The following SUSD6 variants were observed in gnomAD, a reference collection of about 807,000 sequenced individuals.
SUSD6 encodes sushi domain-containing protein 6.
SUSD6 carries 16 observed loss-of-function variants against 28.4 expected under a neutral mutation model. The ratio of observed to expected loss-of-function variants is 0.56; its 90% CI spans 0.38 to 0.86. The LOEUF (loss-of-function observed/expected upper bound fraction) is 0.86. Among genes scored for constraint, SUSD6 ranks in the 40% least tolerant of loss-of-function variants. The pLI, the probability that SUSD6 is intolerant of heterozygous loss-of-function variation, is 0.00. For missense variants in SUSD6, 341 were observed against 384.2 expected, an observed-to-expected ratio of 0.89 and a Z score of 0.94; for synonymous variants, 147 against 159.6, an observed-to-expected ratio of 0.92 and a Z score of 0.59.
intron 1 of SUSD6, among the ~76,000 whole-genome samples, chr14:69,637,130 T>A (rs990899370): frequency 6.6e-6 from 1 of 152,128 alleles, no homozygotes; most frequent in Non-Finnish European, 1.5e-5. Context: ...AGCTTTTTGA[T>A]GTGTTTCTTC....
chr14:69,654,354 T>C (rs1342630645), intron 1 of SUSD6, among the ~76,000 whole-genome samples: 1 of 152,232 alleles, frequency 6.6e-6, no homozygotes, highest in Admixed American at 6.5e-5. Context: ...CAAGGAAGTC[T>C]CAGCCTGGTG....
chr14:69,616,770 C>T (rs1884965687), intron 1 of SUSD6, among the ~76,000 whole-genome samples: 1 of 151,960 alleles, frequency 6.6e-6, no homozygotes, highest in African/African-American at 2.4e-5. Context: ...GATGGTAGTA[C>T]CTGTACATTC....
Position 69,662,692 on chromosome 14 carries a change from G to A in SUSD6, c.121+3979G>A, listed in dbSNP as rs537901742. On this transcript the variant is annotated intron_variant, in intron 2 of 5. Transcript: ENST00000342745. ...CCAATTTGCCTTTCTTGGACTAGGC[G>A]GAATTAAGATCTTTTCTCTGTAGCA... 1.8e-4 allele frequency among the ~76,000 whole-genome samples: 28 copies of A among 152,298 alleles called. No homozygotes were observed. The East Asian group carries it at 2.7e-3, about 15-fold the overall frequency.
At chr14:69,697,336 A>T (rs1886240871) in intron 2 of SUSD6, among the ~76,000 whole-genome samples, 1 of 152,058 alleles carries the variant, frequency 6.6e-6, no homozygotes, top group Non-Finnish European at 1.5e-5. Flanking sequence ...TCATCCTATG[A>T]TTTAGAATGC....
Position 69,662,780 on chromosome 14 carries a change from C to T in SUSD6, c.121+4067C>T, listed in dbSNP as rs568104038. ...AGTCTTAAGAAACTTGCTGTATGAC[C>T]TGAGGCAAATCACATGACCTCTTTG... On this transcript the variant is annotated intron_variant, in intron 2 of 5. Coordinates refer to ENST00000342745, the MANE Select transcript of SUSD6 (RefSeq NM_014734.4). Among the ~76,000 whole-genome samples the T allele has an allele frequency of 1.1e-4, 17 of 152,286 alleles. No individual in the cohort carries two copies. In the South Asian group the frequency reaches 3.5e-3, roughly 32 times the overall value.
At chr14:69,615,790 C>A (rs1455786390) in intron 1 of SUSD6, 1 of 152,242 alleles carries the variant, frequency 6.6e-6, no homozygotes, top group African/African-American at 2.4e-5. Flanking sequence ...GTCTCCCTCC[C>A]TGGCTCTTCT....
Position 69,711,103 on chromosome 14 carries a change from C to T in SUSD6, c.*124C>T. The stretch of plus-strand genomic sequence containing the variant: ...GATACCTGAGCTGCCACCTGTGTAT[C>T]TGTGTATCTCTGAGGGCCCTATAGG... On this transcript the variant is annotated 3_prime_UTR_variant, in exon 6 of 6. Coordinates refer to ENST00000342745, the MANE Select transcript of SUSD6 (RefSeq NM_014734.4). 8 of 944,872 alleles carry T rather than the reference C, an allele frequency of 8.5e-6. No homozygotes were observed. The highest frequency in any genetic ancestry group is 1.4e-5 in the Non-Finnish European group (8 of 587,978). 58.5% of individuals were successfully genotyped at this position (944,872 alleles called of 1,614,324 possible).
intron 1 of SUSD6, among the ~76,000 whole-genome samples, chr14:69,653,990 C>A (rs1324657697): frequency 1.3e-5 from 2 of 152,190 alleles, no homozygotes; most frequent in East Asian, 3.9e-4. Context: ...TATAAACACC[C>A]CACTGACTAC....
intron 5 of SUSD6, among the ~76,000 whole-genome samples, chr14:69,710,124 G>A (rs1226276562): frequency 6.6e-6 from 1 of 152,208 alleles, no homozygotes; most frequent in African/African-American, 2.4e-5. Context: ...CTGGAAGCCA[G>A]TAACCCCACA....
intron 2 of SUSD6, among the ~76,000 whole-genome samples, chr14:69,690,492 A>G (rs1252250580): frequency 6.6e-6 from 1 of 152,168 alleles, no homozygotes; most frequent in African/African-American, 2.4e-5. Flanking sequence ...GGATTCAAAG[A>G]GAAAGCTTGT....
intron 2 of SUSD6, among the ~76,000 whole-genome samples, chr14:69,697,903 A>G (rs1886249202): frequency 6.6e-6 from 1 of 152,216 alleles, no homozygotes; most frequent in Non-Finnish European, 1.5e-5. Context: ...TCTAGGTTGT[A>G]GGCTTGTAGT....
At chr14:69,641,840 A>G (rs548220742) in intron 1 of SUSD6, among the ~76,000 whole-genome samples, 2 of 152,210 alleles carry the variant, frequency 1.3e-5, no homozygotes, top group African/African-American at 4.8e-5. Context: ...CCTGGAATCA[A>G]GAGATCCTCC....
chr14:69,675,146 G>A (rs60314170), intron 2 of SUSD6, among the ~76,000 whole-genome samples: 13,667 of 151,888 alleles, frequency 0.09, 2,091 homozygotes, highest in African/African-American at 0.31. Flanking sequence ...CTTTGACACT[G>A]TTTCCAGAAG....
At chr14:69,694,463 G>T (rs979620620) in intron 2 of SUSD6, among the ~76,000 whole-genome samples, 1 of 152,204 alleles carries the variant, frequency 6.6e-6, no homozygotes. Context: ...GCCCAAGCTG[G>T]TAAGCTCCAC....
At chr14:69,655,176 A>G (rs1566596364) in intron 1 of SUSD6, among the ~76,000 whole-genome samples, 2 of 152,116 alleles carry the variant, frequency 1.3e-5, no homozygotes, top group South Asian at 2.1e-4. Context: ...TCAAAAATAC[A>G]TGCATATACC....
chr14:69,662,639 T>C (rs1270726690), intron 2 of SUSD6, among the ~76,000 whole-genome samples: 1 of 152,218 alleles, frequency 6.6e-6, no homozygotes, highest in Non-Finnish European at 1.5e-5. Flanking sequence ...TAGACCAGAA[T>C]TAAAAATAAA....
chr14:69,707,165 A>G (rs763354276), intron 4 of SUSD6, among the ~76,000 whole-genome samples: 33 of 152,202 alleles, frequency 2.2e-4, no homozygotes, highest in Admixed American at 3.3e-4. Context: ...AAGTAGATAT[A>G]TTTTTGGATA....
chr14:69,633,546 G>T (rs1011074113), intron 1 of SUSD6, among the ~76,000 whole-genome samples: 1 of 152,078 alleles, frequency 6.6e-6, no homozygotes, highest in East Asian at 1.9e-4. Flanking sequence ...TTTTTAAGGC[G>T]CTCTTTGATT....
intron 2 of SUSD6, among the ~76,000 whole-genome samples, chr14:69,688,036 T>C (rs1886099282): frequency 6.6e-6 from 1 of 152,228 alleles, no homozygotes; most frequent in African/African-American, 2.4e-5. Context: ...TGTATGCCCT[T>C]TTCTAATACA....
Sources: allele counts gnomAD v4.1 joint callset (sites outside exome capture counted in the v4.1 genomes callset), GRCh38; gene constraint gnomAD v4.1.1; transcripts MANE v1.5; gene names NCBI Gene and HGNC (gene_info 2026-07-23, HGNC 2026-07-21).